Variants in CNOT2 observed in about 807,000 individuals in gnomAD.
CNOT2 encodes CC chemokine receptor 4-negative regulator of transcription 2.
CNOT2 carries 7 observed loss-of-function variants against 72.1 expected under a neutral mutation model. That is an observed-to-expected ratio of 0.10 (90% CI 0.06 to 0.18). CNOT2 has a LOEUF of 0.18. Among genes scored for constraint, CNOT2 ranks in the 10% least tolerant of loss-of-function variants. The pLI, the probability that CNOT2 is intolerant of heterozygous loss-of-function variation, is 1.00. For synonymous variants in CNOT2, 196 were observed against 225.6 expected, an observed-to-expected ratio of 0.87 and a Z score of 1.17; for missense variants, 345 against 660.3, an observed-to-expected ratio of 0.52 and a Z score of 5.23.
In CNOT2 at chr12:70,325,520, T is replaced by C. The variant is rs1407594585; in HGVS notation, c.239-3903T>C. ...ATCATTGTCTTTAATGCCTCATTACTTGTGATCTTGAGCAAGTCACTTAAT... is the reference window on the plus strand; with the variant it reads ...ATCATTGTCTTTAATGCCTCATTACCTGTGATCTTGAGCAAGTCACTTAAT... On this transcript the variant is annotated intron_variant, in intron 4 of 15. Coordinates refer to ENST00000229195, the MANE Select transcript of CNOT2 (RefSeq NM_014515.7). Among the ~76,000 whole-genome samples, 96 of 151,920 alleles carry C rather than the reference T, an allele frequency of 6.3e-4. 3 individuals carry two copies. Among genetic ancestry groups the C allele is most frequent in the Admixed American group, 6.3e-3 (96 of 15,212 alleles).
chr12:70,307,677 G>A (rs1373412888), intron 2 of CNOT2: 1 of 152,062 alleles, frequency 6.6e-6, no homozygotes, highest in African/African-American at 2.4e-5. Flanking sequence ...TGATTTTTAT[G>A]TACCCTAATT....
chr12:70,333,273 T>TA (rs1478655117), intron 7 of CNOT2, among the ~76,000 whole-genome samples: 1 of 151,894 alleles, frequency 6.6e-6, no homozygotes, highest in East Asian at 1.9e-4. Flanking sequence ...ATGGAACACT[T>TA]ACGTTTTTTC....
intron 14 of CNOT2, chr12:70,345,056 T>C (rs1881991172): frequency 6.6e-6 from 1 of 152,212 alleles, no homozygotes; most frequent in South Asian, 2.1e-4. Context: ...CCCTGAGCAG[T>C]TCTGTATTTA....
chr12:70,316,103 A>G (rs1877287152), intron 3 of CNOT2, among the ~76,000 whole-genome samples: 1 of 152,144 alleles, frequency 6.6e-6, no homozygotes, highest in South Asian at 2.1e-4. Context: ...TTCATTTTAT[A>G]GGAAGGAAAC....
chr12:70,279,857 CTTTCTACACTAAAAGTACTCCATTGTT>C (rs148240780), intron 2 of CNOT2, among the ~76,000 whole-genome samples: 1,733 of 152,236 alleles, frequency 0.011, 34 homozygotes, highest in African/African-American at 0.04. Context: ...TATTCTTGCT[CTTTCTACACTAAAAGTACTCCATTGTT>C]TCAGTCATAT....
chr12:70,274,964 A>G (rs1193672973), intron 1 of CNOT2, among the ~76,000 whole-genome samples: 1 of 152,120 alleles, frequency 6.6e-6, no homozygotes, highest in Admixed American at 6.5e-5. Context: ...GTACATCTTC[A>G]TACATGTACT....
intron 2 of CNOT2, among the ~76,000 whole-genome samples, chr12:70,302,555 G>C (rs1168645542): frequency 6.6e-6 from 1 of 152,156 alleles, no homozygotes; most frequent in South Asian, 2.1e-4. Flanking sequence ...CCGAGTTCTA[G>C]TTTGATTGCA....
At chr12:70,334,584 G>A (rs938789764) in intron 7 of CNOT2, 7 of 151,898 alleles carry the variant, frequency 4.6e-5, no homozygotes, top group Non-Finnish European at 8.8e-5. Context: ...CTAAAAGGAC[G>A]GTAGAAAGTT....
In CNOT2 at chr12:70,342,325, T is replaced by C. The variant is rs1376476940; in HGVS notation, c.1290+18T>C. 6.2e-7 allele frequency: 1 copy of C among 1,612,052 alleles called. No individual in the cohort carries two copies. On this transcript the variant is annotated intron_variant, in intron 13 of 15. Coordinates refer to ENST00000229195, the MANE Select transcript of CNOT2 (RefSeq NM_014515.7). ...GGGATAAGGTGAGTGTAGTTTATTA[T>C]TCTACTCAGTCAGCATGAATTTATC...
rs1879488091 is a variant in CNOT2 at position 70,328,834 on chromosome 12, T to C, written c.239-589T>C. On this transcript the variant is annotated intron_variant, in intron 4 of 15. Coordinates refer to ENST00000229195, the MANE Select transcript of CNOT2 (RefSeq NM_014515.7). ...TCTTTTTAAATGTTTTAAAATTTTG[T>C]CTTTTATAGCTATATCAGTTTGAGT... Among the ~76,000 whole-genome samples, 3 of 151,898 alleles carry C rather than the reference T, an allele frequency of 2.0e-5. No individual in the cohort carries two copies. The South Asian group carries it at 6.2e-4, about 31-fold the overall frequency.
chr12:70,315,386 C>G (rs1234544723), intron 3 of CNOT2, among the ~76,000 whole-genome samples: 3 of 151,902 alleles, frequency 2.0e-5, no homozygotes, highest in Non-Finnish European at 4.4e-5. Context: ...AGTCATAATT[C>G]ATTTGTGGTT....
intron 2 of CNOT2, among the ~76,000 whole-genome samples, chr12:70,310,461 A>C (rs1260923504): frequency 1.3e-5 from 2 of 152,030 alleles, no homozygotes; most frequent in African/African-American, 4.8e-5. Context: ...GTAAACTTAG[A>C]TTGTAAGGAA....
chr12:70,289,005 T>C (rs1371869461), intron 2 of CNOT2, among the ~76,000 whole-genome samples: 1 of 152,040 alleles, frequency 6.6e-6, no homozygotes, highest in Non-Finnish European at 1.5e-5. Flanking sequence ...CTTTCTTCTC[T>C]CCTTTCGCTT....
At chr12:70,255,484 C>A (rs1055520422) in intron 1 of CNOT2, among the ~76,000 whole-genome samples, 4 of 151,850 alleles carry the variant, frequency 2.6e-5, no homozygotes, top group African/African-American at 7.3e-5. Context: ...AAAGTAAATA[C>A]CATATAAGGC....
intron 2 of CNOT2, among the ~76,000 whole-genome samples, chr12:70,304,648 C>T (rs543808909): frequency 8.5e-5 from 13 of 152,336 alleles, no homozygotes; most frequent in Admixed American, 3.3e-4. Context: ...GGCAGTCTGC[C>T]CGTTCTCACA....
chr12:70,253,314 C>A (rs1479607544), intron 1 of CNOT2, among the ~76,000 whole-genome samples: 2 of 152,106 alleles, frequency 1.3e-5, no homozygotes, highest in African/African-American at 4.8e-5. Context: ...ATATTTTCTT[C>A]CCTTAAGTGT....
chr12:70,328,781 A>G (rs924495792), intron 4 of CNOT2, among the ~76,000 whole-genome samples: 1 of 151,046 alleles, frequency 6.6e-6, no homozygotes, highest in Non-Finnish European at 1.5e-5. Flanking sequence ...GGGGTACTAG[A>G]TAAATACAGG....
intron 4 of CNOT2, among the ~76,000 whole-genome samples, chr12:70,328,311 G>T (rs972137013): frequency 1.3e-5 from 2 of 151,768 alleles, no homozygotes; most frequent in Admixed American, 6.6e-5. Flanking sequence ...TATGCCAAAG[G>T]ATAAAATCAC....
chr12:70,347,236 T>A (rs1026306506), intron 15 of CNOT2, among the ~76,000 whole-genome samples: 2 of 152,188 alleles, frequency 1.3e-5, no homozygotes, highest in Non-Finnish European at 2.9e-5. Context: ...TTGAATCTGC[T>A]TTACTAAAAT....
Sources: gnomAD v4.1 joint callset for allele counts (sites outside exome capture counted in the v4.1 genomes callset) on GRCh38, gnomAD v4.1.1 for gene constraint, MANE v1.5 for transcripts, NCBI Gene and HGNC (gene_info 2026-07-23, HGNC 2026-07-21) for gene names.